Variants in GOLT1B observed in about 807,000 individuals in gnomAD.
The protein encoded by GOLT1B is golgi transport 1B.
GOLT1B carries 3 observed loss-of-function variants against 15.4 expected under a neutral mutation model. The ratio of observed to expected loss-of-function variants is 0.19; its 90% CI spans 0.09 to 0.50. The LOEUF (loss-of-function observed/expected upper bound fraction) is 0.50, where lower values mean the gene tolerates loss of function less well. Among genes scored for constraint, GOLT1B ranks in the 20% least tolerant of loss-of-function variants. The pLI, the probability that GOLT1B is intolerant of heterozygous loss-of-function variation, is 0.97. For missense variants in GOLT1B, 145 were observed against 160.4 expected (o/e 0.90, Z 0.52); for synonymous variants, 65 against 56.2 (o/e 1.16, Z -0.70).
chr12:21,503,336 G>A (rs1387763377), intron 1 of GOLT1B, among the ~76,000 whole-genome samples: 1 of 152,176 alleles, frequency 6.6e-6, no homozygotes, highest in Non-Finnish European at 1.5e-5. Context: ...GAAATTGAGT[G>A]CATGGTCAAA....
At chr12:21,515,524 T>G in intron 4 of GOLT1B, 145 bp from the exon 5 acceptor site, 1 of 640,352 alleles carries the variant, frequency 1.6e-6, no homozygotes, top group East Asian at 2.8e-5. Context: ...TGAGTAGTAC[T>G]GGATTAGTCA....
intron 1 of GOLT1B, among the ~76,000 whole-genome samples, chr12:21,505,816 T>C (rs900748674): frequency 6.6e-6 from 1 of 152,132 alleles, no homozygotes; most frequent in African/African-American, 2.4e-5. Context: ...TGTATGCAGA[T>C]TGTGCTTCTA....
At chr12:21,507,881 C>T in intron 2 of GOLT1B, 1 of 441,818 alleles carries the variant, frequency 2.3e-6, no homozygotes, top group Non-Finnish European at 4.5e-6. Flanking sequence ...CTAGAATCTT[C>T]TTGGCTTCAC....
At chr12:21,508,738 A>G (rs1943697290) in intron 3 of GOLT1B, among the ~76,000 whole-genome samples, 177 bp downstream of exon 3, 2 of 152,224 alleles carry the variant, frequency 1.3e-5, no homozygotes, top group Non-Finnish European at 1.5e-5. Context: ...TCACATGTGA[A>G]TGATTGCCTA....
At chr12:21,508,115 G>T in intron 2 of GOLT1B, 1 of 415,982 alleles carries the variant, frequency 2.4e-6, no homozygotes, top group Non-Finnish European at 4.4e-6. Flanking sequence ...CCTTGGTAAC[G>T]TCTAATCTTT....
At chr12:21,507,117 G>T (rs916312655) in intron 2 of GOLT1B, 141 bp downstream of exon 2, 3 of 667,866 alleles carry the variant, frequency 4.5e-6, no homozygotes, top group East Asian at 2.8e-5. Context: ...TTTCCATCAG[G>T]AATGAAACCT....
At position 21,517,539 on chromosome 12, in the gene GOLT1B, G is replaced by C. The variant is rs1253260144; in HGVS notation, c.*1832G>C. The C allele has an allele frequency of 6.6e-6, 1 of 152,066 alleles. No homozygotes were observed. The highest frequency in any genetic ancestry group is 2.4e-5 in the African/African-American group (1 of 41,430). 9.4% of individuals were successfully genotyped at this position (152,066 alleles called of 1,614,324 possible). ...GTCTTGATAATTCTACCTTTTTAGAGCAAGAATAGTATCTGCTAATGTAAG... is the reference window on the plus strand; with the variant it reads ...GTCTTGATAATTCTACCTTTTTAGACCAAGAATAGTATCTGCTAATGTAAG... On this transcript the variant is annotated 3_prime_UTR_variant, in exon 5 of 5. Coordinates refer to ENST00000229314, the MANE Select transcript of GOLT1B (RefSeq NM_016072.5).
At chr12:21,502,541 C>A (rs1326622706) in intron 1 of GOLT1B, among the ~76,000 whole-genome samples, 1 of 152,170 alleles carries the variant, frequency 6.6e-6, no homozygotes, top group African/African-American at 2.4e-5. Flanking sequence ...AAGTTTCAAG[C>A]AGTAGAGAAA....
chr12:21,516,238 G>C lies in GOLT1B; in HGVS notation c.*531G>C, dbSNP rs964402365. On this transcript the variant is annotated 3_prime_UTR_variant, in exon 5 of 5. Coordinates refer to ENST00000229314, the MANE Select transcript of GOLT1B (RefSeq NM_016072.5). ...ATGGATTACTTTTTTTTGTAAACAT[G>C]GTTAAAATAAAACTTTTGTGGTTCT... 6.6e-6 allele frequency: 1 copy of C among 151,972 alleles called. No individual in the cohort carries two copies. The highest frequency in any genetic ancestry group is 2.4e-5 in the African/African-American group (1 of 41,378). The allele number at this position is 151,972 out of a possible 1,614,324, so 9.4% of individuals were successfully genotyped here. A position where few individuals can be genotyped will look rare whatever the true frequency, so the allele number is the denominator to read the frequency against.
chr12:21,514,312 A>G (rs1320498671), intron 4 of GOLT1B, among the ~76,000 whole-genome samples: 3 of 152,230 alleles, frequency 2.0e-5, no homozygotes, highest in Non-Finnish European at 4.4e-5. Context: ...ACAGATTTTT[A>G]TAGATGTTTC....
At chr12:21,509,024 C>A (rs191562254) in intron 3 of GOLT1B, among the ~76,000 whole-genome samples, 1 of 152,110 alleles carries the variant, frequency 6.6e-6, no homozygotes, top group Non-Finnish European at 1.5e-5. Flanking sequence ...ACCAAATACA[C>A]TACTATGGGA....
rs191845763 is a variant in GOLT1B, at chr12:21,511,792, C to T, written c.297-503C>T. On this transcript the variant is annotated intron_variant, in intron 3 of 4. Coordinates refer to ENST00000229314, the MANE Select transcript of GOLT1B (RefSeq NM_016072.5). ...TAAACTATTTCATTCTCTTCCTATA[C>T]TGAGGTAGCTTAACTGATCTACTGT... 3.4e-3 allele frequency among the ~76,000 whole-genome samples: 512 copies of T among 152,290 alleles called. 7 individuals carry two copies. The highest frequency in any genetic ancestry group is 0.02 in the Middle Eastern group (6 of 294).
At chr12:21,512,530 A>G (rs1445262859) in intron 4 of GOLT1B, among the ~76,000 whole-genome samples, 154 bp downstream of exon 4, 1 of 152,206 alleles carries the variant, frequency 6.6e-6, no homozygotes, top group Non-Finnish European at 1.5e-5. Context: ...AGACCAAAAA[A>G]TAATTATTGC....
At chr12:21,506,475 T>C (rs1943679386) in intron 1 of GOLT1B, among the ~76,000 whole-genome samples, 2 of 152,004 alleles carry the variant, frequency 1.3e-5, no homozygotes, top group South Asian at 4.1e-4. Flanking sequence ...ACTACAGATA[T>C]TGTGCATTTA....
At position 21,518,318 on chromosome 12, in the gene GOLT1B, C is replaced by G. The variant is rs1943770716; in HGVS notation, c.*2611C>G. The G allele has an allele frequency of 6.6e-6, 1 of 152,024 alleles. No homozygotes were observed. Among genetic ancestry groups the G allele is most frequent in the African/African-American group, 2.4e-5 (1 of 41,408 alleles). The allele number at this position is 152,024 out of a possible 1,614,324, so 9.4% of individuals were successfully genotyped here. A position where few individuals can be genotyped will look rare whatever the true frequency, so the allele number is the denominator to read the frequency against. ...AATTGTTGAAATGTACTAATGAATA[C>G]AAATAGACTTCAAGTAAGCAAAAAT... On this transcript the variant is annotated 3_prime_UTR_variant, in exon 5 of 5. Coordinates refer to ENST00000229314, the MANE Select transcript of GOLT1B (RefSeq NM_016072.5).
At chr12:21,512,248 A>G in intron 3 of GOLT1B, 47 bp from the exon 4 acceptor site, 2 of 937,690 alleles carry the variant, frequency 2.1e-6, no homozygotes, top group South Asian at 1.4e-5. Flanking sequence ...TTATTTTGAA[A>G]ATAGAAAATG....
intron 1 of GOLT1B, among the ~76,000 whole-genome samples, chr12:21,504,084 A>G (rs1241429635): frequency 6.6e-6 from 1 of 152,230 alleles, no homozygotes; most frequent in African/African-American, 2.4e-5. Context: ...AGATATCAAA[A>G]TGCTAACAGT....
Position 21,508,179 on chromosome 12 carries a change from G to A in GOLT1B, c.118-204G>A, listed in dbSNP as rs1943692823. 5 of 545,126 alleles carry A rather than the reference G, an allele frequency of 9.2e-6. No individual in the cohort carries two copies. The South Asian group carries it at 1.2e-4, about 13-fold the overall frequency. 33.8% of individuals were successfully genotyped at this position (545,126 alleles called of 1,614,324 possible). A position where few individuals can be genotyped will look rare whatever the true frequency, so the allele number is the denominator to read the frequency against. ...AAGATAGAAGAGGAATGAGACAAGTGGAACAAAGCTACAACTTTAAAATGC... is the reference window on the plus strand; with the variant it reads ...AAGATAGAAGAGGAATGAGACAAGTAGAACAAAGCTACAACTTTAAAATGC... On this transcript the variant is annotated intron_variant, in intron 2 of 4. Transcript: ENST00000229314.
intron 1 of GOLT1B, among the ~76,000 whole-genome samples, chr12:21,505,814 G>T (rs142572318): frequency 7.2e-5 from 11 of 152,206 alleles, no homozygotes; most frequent in Non-Finnish European, 1.5e-4. Flanking sequence ...TCTGTATGCA[G>T]ATTGTGCTTC....
Sources: gnomAD v4.1 joint callset for allele counts (sites outside exome capture counted in the v4.1 genomes callset) on GRCh38, gnomAD v4.1.1 for gene constraint, MANE v1.5 for transcripts, NCBI Gene and HGNC (gene_info 2026-07-23, HGNC 2026-07-21) for gene names.